The following MTMR8 variants were observed in gnomAD, a reference collection of about 807,000 sequenced individuals.
MTMR8 encodes the protein phosphatidylinositol-3,5-bisphosphate 3-phosphatase MTMR8.
Under a neutral mutation model 39.3 loss-of-function variants are expected in MTMR8, and 65 were observed. The ratio of observed to expected loss-of-function variants is 1.65; its 90% CI spans 1.35 to 2.03. The LOEUF is 2.03. Among genes scored for constraint, MTMR8 ranks in the 30% most tolerant of loss-of-function variants. The probability of loss-of-function intolerance (pLI) is 0.00; values close to 1 mark genes in which losing one functional copy is unlikely to be tolerated. For synonymous variants in MTMR8, 245 were observed against 185.2 expected, an observed-to-expected ratio of 1.32 and a Z score of -2.62; for missense variants, 777 against 538.9, an observed-to-expected ratio of 1.44 and a Z score of -4.37.
At chrX:64,320,295 A>G (rs1044111723) in intron 12 of MTMR8, among the ~76,000 whole-genome samples, 9 of 111,102 alleles carry the variant, frequency 8.1e-5, no homozygotes, top group Non-Finnish European at 1.7e-4. Context: ...TTGGTAAGAG[A>G]GTGATACAAC....
intron 1 of MTMR8, among the ~76,000 whole-genome samples, chrX:64,379,040 G>A (rs1474265330): frequency 9.0e-6 from 1 of 111,615 alleles, no homozygotes; most frequent in Non-Finnish European, 1.9e-5. Flanking sequence ...AGGTGAAATG[G>A]ACCAATACAT....
intron 12 of MTMR8, among the ~76,000 whole-genome samples, chrX:64,318,234 G>A (rs1922526917): frequency 8.9e-6 from 1 of 112,265 alleles, no homozygotes; most frequent in African/African-American, 3.2e-5. Context: ...ACCCTGGCAG[G>A]GGGCCATTTG....
At chrX:64,374,837 C>T (rs897130589) in intron 1 of MTMR8, among the ~76,000 whole-genome samples, 3 of 109,524 alleles carry the variant, frequency 2.7e-5, no homozygotes, top group African/African-American at 6.6e-5. Flanking sequence ...AGAGAGGAGA[C>T]GGCACACAGA....
intron 12 of MTMR8, among the ~76,000 whole-genome samples, chrX:64,307,116 G>T (rs1440291246): frequency 8.9e-6 from 1 of 111,940 alleles, no homozygotes; most frequent in Admixed American, 9.5e-5. Context: ...AACTAGGCTT[G>T]CTTTTACTAT....
chrX:64,358,397 T>C (rs1037210323), intron 2 of MTMR8, among the ~76,000 whole-genome samples: 2 of 112,237 alleles, frequency 1.8e-5, no homozygotes, highest in African/African-American at 6.5e-5. Context: ...GCATACTCAA[T>C]TCATTTTATA....
At chrX:64,342,810 G>A (rs1923253771) in intron 8 of MTMR8, among the ~76,000 whole-genome samples, 1 of 112,294 alleles carries the variant, frequency 8.9e-6, no homozygotes. Context: ...TATAGCAGAT[G>A]TATGAAAAGT....
intron 10 of MTMR8, among the ~76,000 whole-genome samples, chrX:64,335,083 T>C (rs1250791790): frequency 9.0e-6 from 1 of 110,574 alleles, no homozygotes; most frequent in Non-Finnish European, 1.9e-5. Flanking sequence ...TTAATGCATA[T>C]CAATGGGGGA....
At position 64,354,217 on chromosome X, in the gene MTMR8, A is replaced by G. The variant is rs1210555965; in HGVS notation, c.468+560T>C. ...AAAAAGAGGATCCTCAACGGGTACA[A>G]AAATACAGTTAGATAGAAGGAATAA... is the stretch of plus-strand genomic sequence containing the variant. On this transcript the variant is annotated intron_variant, in intron 4 of 13. Coordinates refer to ENST00000374852, the MANE Select transcript of MTMR8 (RefSeq NM_017677.4). Among the ~76,000 whole-genome samples the G allele has an allele frequency of 2.7e-5, 3 of 109,683 alleles. No homozygotes were observed. In the East Asian group the frequency reaches 8.7e-4, roughly 32 times the overall value.
intron 2 of MTMR8, among the ~76,000 whole-genome samples, chrX:64,359,184 T>C (rs1350291873): frequency 6.3e-5 from 7 of 110,986 alleles, no homozygotes; most frequent in African/African-American, 2.3e-4. Context: ...CCCAGGAATA[T>C]TCCCATGTAG....
At chrX:64,298,310 T>A (rs1302831902) in intron 12 of MTMR8, among the ~76,000 whole-genome samples, 1 of 100,969 alleles carries the variant, frequency 9.9e-6, no homozygotes, top group East Asian at 3.1e-4. Context: ...CCCTTGTAAG[T>A]TGGATTCCTA....
At chrX:64,393,654 T>C (rs1924749284) in intron 1 of MTMR8, among the ~76,000 whole-genome samples, 1 of 111,707 alleles carries the variant, frequency 9.0e-6, no homozygotes, top group Non-Finnish European at 1.9e-5. Flanking sequence ...TCTTATACCA[T>C]GTCAGAGGAC....
chrX:64,321,453 A>G (rs970768145), intron 12 of MTMR8, among the ~76,000 whole-genome samples: 1 of 112,313 alleles, frequency 8.9e-6, no homozygotes, highest in Non-Finnish European at 1.9e-5. Context: ...AAAACTCACT[A>G]GAACAGTTAA....
chrX:64,381,102 A>G (rs1001711234), intron 1 of MTMR8, among the ~76,000 whole-genome samples: 6 of 112,172 alleles, frequency 5.3e-5, no homozygotes, highest in African/African-American at 1.9e-4. Context: ...TCCTTTGGGC[A>G]TATACCCAGT....
At chrX:64,296,476 T>C (rs1260746412) in intron 12 of MTMR8, among the ~76,000 whole-genome samples, 1 of 110,354 alleles carries the variant, frequency 9.1e-6, no homozygotes, top group East Asian at 2.9e-4. Flanking sequence ...ATGTATATTT[T>C]ACAAAAACCA....
chrX:64,286,655 A>G (rs1921189704), intron 12 of MTMR8, among the ~76,000 whole-genome samples: 2 of 112,159 alleles, frequency 1.8e-5, no homozygotes, highest in South Asian at 7.5e-4. Context: ...AGGCTGGTTC[A>G]ATGTACACAA....
chrX:64,318,573 T>A (rs1250709039), intron 12 of MTMR8, among the ~76,000 whole-genome samples: 2 of 111,621 alleles, frequency 1.8e-5, no homozygotes, highest in East Asian at 5.6e-4. Context: ...CCTTCTACTC[T>A]GAATTTTTCA....
At chrX:64,278,826 C>T (rs1931942120) in intron 12 of MTMR8, among the ~76,000 whole-genome samples, 1 of 111,361 alleles carries the variant, frequency 9.0e-6, no homozygotes, top group Non-Finnish European at 1.9e-5. Flanking sequence ...AGTCAGGCCC[C>T]TCTGTTGCAG....
chrX:64,341,839 T>TA (rs1406672976), intron 8 of MTMR8, among the ~76,000 whole-genome samples: 2 of 111,947 alleles, frequency 1.8e-5, no homozygotes, highest in Non-Finnish European at 3.8e-5. Flanking sequence ...TGGTACAAAC[T>TA]ATGGGGAATG....
At chrX:64,304,493 G>T (rs1922012085) in intron 12 of MTMR8, among the ~76,000 whole-genome samples, 1 of 111,110 alleles carries the variant, frequency 9.0e-6, no homozygotes, top group African/African-American at 3.3e-5. Context: ...TTTTCCATTT[G>T]GACACTGCTT....
Sources: allele counts gnomAD v4.1 joint callset (sites outside exome capture counted in the v4.1 genomes callset), GRCh38; gene constraint gnomAD v4.1.1; transcripts MANE v1.5; gene names NCBI Gene and HGNC (gene_info 2026-07-23, HGNC 2026-07-21).